The following LRP11 variants were observed in gnomAD, a reference collection of about 807,000 sequenced individuals.
LRP11 encodes low-density lipoprotein receptor-related protein 11.
Under a neutral mutation model 43.1 loss-of-function variants are expected in LRP11, and 25 were observed. The observed-to-expected ratio is 0.58, with a 90% CI of 0.42 to 0.81. LRP11 has a LOEUF of 0.81. Ranked by LOEUF, LRP11 falls within the 30% of genes least tolerant of loss-of-function variation. The probability of loss-of-function intolerance (pLI) is 0.00; values close to 1 mark genes in which losing one functional copy is unlikely to be tolerated. For synonymous variants in LRP11, 316 were observed against 299.4 expected (o/e 1.06, Z -0.57); for missense variants, 623 against 665.1 (o/e 0.94, Z 0.70).
Position 149,843,270 on chromosome 6 carries a change from A to T in LRP11, c.772-146T>A, listed in dbSNP as rs113447490. 613 of 805,452 alleles carry T rather than the reference A, an allele frequency of 7.6e-4. 6 individuals are homozygous for T. The South Asian group carries it at 0.01, about 13-fold the overall frequency. The allele number at this position is 805,452 out of a possible 1,614,324, so 49.9% of individuals were successfully genotyped here. ...CCGAGGCTGCTGAACTACATCACAC[A>T]CTGTTGGCAGCTGGCCCACCTTGAA... On this transcript the variant is annotated intron_variant, in intron 2 of 6. Coordinates refer to ENST00000239367, the MANE Select transcript of LRP11 (RefSeq NM_032832.6).
At chr6:149,859,399 T>A (rs866478942) in intron 1 of LRP11, among the ~76,000 whole-genome samples, 3,721 of 108,524 alleles carry the variant, frequency 0.034, 66 homozygotes, top group South Asian at 0.054. Flanking sequence ...TATATATATT[T>A]TTTTTTTTTT....
At chr6:149,824,081 CTT>C (rs1216676041) in intron 6 of LRP11, among the ~76,000 whole-genome samples, 2 of 152,166 alleles carry the variant, frequency 1.3e-5, no homozygotes, top group Non-Finnish European at 2.9e-5. Context: ...AAAAAAGAGA[CTT>C]TGGTCAATAC....
At chr6:149,859,396 A>ATATATATATATATATAT in intron 1 of LRP11, among the ~76,000 whole-genome samples, 1 of 71,496 alleles carries the variant, frequency 1.4e-5, no homozygotes, top group Non-Finnish European at 2.3e-5. Flanking sequence ...ATATATATAT[A>ATATATATATATATATAT]TTTTTTTTTT....
chr6:149,841,316 G>T (rs1411485698), intron 3 of LRP11, among the ~76,000 whole-genome samples: 1 of 152,136 alleles, frequency 6.6e-6, no homozygotes. Flanking sequence ...TCTGGATCCT[G>T]AGTATTGAAT....
rs1205420629 is a variant in LRP11 at position 149,819,601 on chromosome 6, T to G, written c.*948A>C. 1 of 152,574 alleles carries G rather than the reference T, an allele frequency of 6.6e-6. No individual in the cohort carries two copies. Among genetic ancestry groups the G allele is most frequent in the Non-Finnish European group, 1.5e-5 (1 of 68,016 alleles). The allele number at this position is 152,574 out of a possible 1,614,324, so 9.5% of individuals were successfully genotyped here. ...ATTAAAAAACATCGACTCATTCCAT[T>G]GGATGAAAGCCATGGTGACATTTTT... On this transcript the variant is annotated 3_prime_UTR_variant, in exon 7 of 7. Coordinates refer to ENST00000239367, the MANE Select transcript of LRP11 (RefSeq NM_032832.6).
At position 149,851,255 on chromosome 6, in the gene LRP11, G is replaced by A. The variant is rs189031323; in HGVS notation, c.771+1748C>T. 2.5e-4 allele frequency among the ~76,000 whole-genome samples: 38 copies of A among 152,276 alleles called. No homozygotes were observed. In the East Asian group the frequency reaches 5.6e-3, roughly 22 times the overall value. On this transcript the variant is annotated intron_variant, in intron 2 of 6. Coordinates refer to ENST00000239367, the MANE Select transcript of LRP11 (RefSeq NM_032832.6). ...CAGCTACTGACACAGTTCATGTAAC[G>A]AAGCTCATTAATAGAAGGAGAGGCA...
chr6:149,831,782 C>A (rs1776411380), intron 5 of LRP11, among the ~76,000 whole-genome samples: 3 of 152,212 alleles, frequency 2.0e-5, no homozygotes, highest in Admixed American at 6.5e-5. Flanking sequence ...AATTCTCCCA[C>A]CTCAGCCTTT....
Position 149,864,016 on chromosome 6 carries a change from G to A in LRP11, c.5C>T (p.Ala2Val), listed in dbSNP as rs1776992673. Residue 2 changes from alanine to valine, a missense_variant, in exon 1 of 7, where the codon GCC becomes GTC. Physicochemically the swap from Ala to Val is moderately conservative, Grantham distance 64. Coordinates refer to ENST00000239367, the MANE Select transcript of LRP11 (RefSeq NM_032832.6). ...GCCCGCGCTCTCCTGGGCGACGGAG[G>A]CCATGGCGACGAGAGCCAAGGGCAG... is the stretch of plus-strand genomic sequence containing the variant. Reference protein sequence around the residue: MASVAQESAGSQ... With the variant: MVSVAQESAGSQ... 2 of 1,340,552 alleles carry A rather than the reference G, an allele frequency of 1.5e-6. No individual in the cohort carries two copies. The highest frequency in any genetic ancestry group is 1.5e-5 in the African/African-American group (1 of 64,912). The allele number at this position is 1,340,552 out of a possible 1,614,324, so 83.0% of individuals were successfully genotyped here. A position where few individuals can be genotyped will look rare whatever the true frequency, so the allele number is the denominator to read the frequency against.
chr6:149,834,013 C>T (rs1393270775), intron 5 of LRP11, among the ~76,000 whole-genome samples: 1 of 152,124 alleles, frequency 6.6e-6, no homozygotes, highest in Non-Finnish European at 1.5e-5. Context: ...CTGCCTGATG[C>T]TCCCCCTCCC....
chr6:149,854,203 C>T (rs920349911), intron 1 of LRP11, among the ~76,000 whole-genome samples: 10 of 152,166 alleles, frequency 6.6e-5, no homozygotes, highest in Non-Finnish European at 1.0e-4. Context: ...TCACTGTAGC[C>T]TCCAACTCCT....
chr6:149,835,987 A>G (rs548526746), intron 5 of LRP11, 98 bp downstream of exon 5: 1 of 1,110,932 alleles, frequency 9.0e-7, no homozygotes, highest in South Asian at 1.4e-5. Context: ...TTATTTCAAG[A>G]TACTTCCTTA....
intron 1 of LRP11, 68 bp downstream of exon 1, chr6:149,863,340 C>T (rs1410695604): frequency 3.9e-6 from 5 of 1,295,214 alleles, no homozygotes; most frequent in Non-Finnish European, 4.9e-6. Flanking sequence ...GTTTCGCTTC[C>T]AACTTGGCGA....
intron 2 of LRP11, among the ~76,000 whole-genome samples, chr6:149,846,964 A>AATAGAATAGT (rs1436312343): frequency 2.4e-5 from 3 of 125,082 alleles, no homozygotes; most frequent in African/African-American, 9.2e-5. Context: ...AATAGAATAG[A>AATAGAATAGT]ATAGAATAGA....
intron 3 of LRP11, chr6:149,842,491 C>G: frequency 1.4e-6 from 1 of 694,756 alleles, no homozygotes; most frequent in South Asian, 1.7e-5. Context: ...CAACAGATCA[C>G]CAGAACCTGT....
chr6:149,829,156 G>C (rs866893866), intron 5 of LRP11, among the ~76,000 whole-genome samples: 2 of 152,076 alleles, frequency 1.3e-5, no homozygotes, highest in African/African-American at 4.8e-5. Flanking sequence ...CGTACTGCCA[G>C]GTTAGCTTGC....
intron 1 of LRP11, 77 bp from the exon 2 acceptor site, chr6:149,853,237 G>T: frequency 8.5e-7 from 1 of 1,178,820 alleles, no homozygotes. Context: ...CTTGTTTGCT[G>T]AATAGATATG....
chr6:149,823,356 CAG>C (rs1776300216), intron 6 of LRP11, among the ~76,000 whole-genome samples: 1 of 152,040 alleles, frequency 6.6e-6, no homozygotes, highest in Non-Finnish European at 1.5e-5. Context: ...AGTAAAGAAA[CAG>C]AGATGAAAAA....
chr6:149,852,940 G>T, intron 2 of LRP11, 63 bp downstream of exon 2: 1 of 1,407,604 alleles, frequency 7.1e-7, no homozygotes, highest in Non-Finnish European at 9.6e-7. Flanking sequence ...GAAGTGGCAG[G>T]ACATTACAAA....
At chr6:149,849,349 T>G (rs985455269) in intron 2 of LRP11, among the ~76,000 whole-genome samples, 6 of 151,596 alleles carry the variant, frequency 4.0e-5, no homozygotes, top group African/African-American at 1.5e-4. Context: ...TGATGTATTA[T>G]AAATATTCAG....
Sources: allele counts gnomAD v4.1 joint callset (sites outside exome capture counted in the v4.1 genomes callset), GRCh38; gene constraint gnomAD v4.1.1; transcripts MANE v1.5; gene names NCBI Gene and HGNC (gene_info 2026-07-23, HGNC 2026-07-21).